NEK10: variants seen among roughly 807,000 people sequenced by gnomAD.
NEK10 encodes the protein NIMA related kinase 10.
Under a neutral mutation model 159.8 loss-of-function variants are expected in NEK10, and 122 were observed. The ratio of observed to expected loss-of-function variants is 0.76; its 90% confidence interval spans 0.66 to 0.89. The LOEUF is 0.89. NEK10 is among the 40% of genes least tolerant of loss of function. The pLI is 0.00. For synonymous variants in NEK10, 466 were observed against 457.1 expected, an observed-to-expected ratio of 1.02 and a Z score of -0.25; for missense variants, 1,342 against 1,323.1, an observed-to-expected ratio of 1.01 and a Z score of -0.22.
chr3:27,220,562 T>C (rs887521661), intron 23 of NEK10, among the ~76,000 whole-genome samples: 4 of 151,858 alleles, frequency 2.6e-5, no homozygotes, highest in Non-Finnish European at 4.4e-5. Context: ...TACTAGAATG[T>C]AGACATCTTG....
At chr3:27,356,079 A>G (rs1241375565) in intron 1 of NEK10, among the ~76,000 whole-genome samples, 6 of 152,158 alleles carry the variant, frequency 3.9e-5, no homozygotes, top group Admixed American at 3.3e-4. Flanking sequence ...CTCTTCTGCC[A>G]TGTAAGAAAA....
chr3:27,192,207 A>G lies in NEK10; in HGVS notation c.2327T>C (p.Ile776Thr), dbSNP rs773047390. ...LTPDAEARPD[I>T]VEVSSMISDV... ...TGATATCATCGAACTGACTTCTACA[A>G]TATCTGGACGAGCTTCCGCATCAGG... is the stretch of plus-strand genomic sequence containing the variant. The change falls in exon 26 of 36, where the codon ATT becomes ACT. Residue 776 changes from isoleucine (I) to threonine (T), a missense_variant. By Grantham distance (89) the Ile-to-Thr change is moderately conservative. Transcript: ENST00000691995. The G allele has an allele frequency of 1.2e-6, 2 of 1,614,176 alleles. No individual in the cohort carries two copies. The highest frequency in any genetic ancestry group is 2.2e-5 in the South Asian group (2 of 91,082).
intron 23 of NEK10, chr3:27,252,897 G>T: frequency 1.9e-6 from 1 of 514,446 alleles, no homozygotes; most frequent in South Asian, 1.4e-5. Flanking sequence ...CTGAGGGCTT[G>T]GTCTTTGCAT....
intron 8 of NEK10, 160 bp downstream of exon 8, chr3:27,311,939 G>A: frequency 3.3e-6 from 2 of 602,884 alleles, no homozygotes; most frequent in East Asian, 3.0e-5. Context: ...CTGGCTGTAT[G>A]TTGCCACTGA....
At chr3:27,283,043 T>C (rs1249345999) in intron 22 of NEK10, among the ~76,000 whole-genome samples, 1 of 152,168 alleles carries the variant, frequency 6.6e-6, no homozygotes, top group Non-Finnish European at 1.5e-5. Context: ...GAAGGTTATC[T>C]AGAGTTTCTG....
At chr3:27,324,377 C>T (rs954582465) in intron 5 of NEK10, among the ~76,000 whole-genome samples, 1 of 152,214 alleles carries the variant, frequency 6.6e-6, no homozygotes, top group Non-Finnish European at 1.5e-5. Context: ...CCCATGGCTT[C>T]CTGAATCTCA....
intron 26 of NEK10, among the ~76,000 whole-genome samples, chr3:27,190,802 G>A (rs541894115): frequency 4.6e-5 from 7 of 152,302 alleles, no homozygotes; most frequent in Admixed American, 2.0e-4. Flanking sequence ...TACATAGAAT[G>A]ATGCATTGTT....
At chr3:27,356,222 C>T (rs536330122) in intron 1 of NEK10, among the ~76,000 whole-genome samples, 1 of 152,262 alleles carries the variant, frequency 6.6e-6, no homozygotes, top group South Asian at 2.1e-4. Context: ...TTATAAATTA[C>T]CTAGTCTGCC....
At chr3:27,247,327 A>G (rs1005245037) in intron 23 of NEK10, among the ~76,000 whole-genome samples, 1 of 151,958 alleles carries the variant, frequency 6.6e-6, no homozygotes, top group Non-Finnish European at 1.5e-5. Context: ...AGGGCTTTTC[A>G]TCATGAAGGG....
chr3:27,283,778 T>C (rs1192583550), intron 22 of NEK10, among the ~76,000 whole-genome samples: 5 of 152,208 alleles, frequency 3.3e-5, no homozygotes, highest in African/African-American at 1.2e-4. Flanking sequence ...ATAAAAACTC[T>C]ATGTTGAAAT....
At chr3:27,344,008 C>T (rs1372227868) in intron 5 of NEK10, among the ~76,000 whole-genome samples, 6 of 152,202 alleles carry the variant, frequency 3.9e-5, no homozygotes, top group African/African-American at 4.8e-5. Context: ...TAAATTCCTC[C>T]TTGAGTATCC....
chr3:27,131,398 C>T (rs1476907042), intron 32 of NEK10, among the ~76,000 whole-genome samples: 1 of 152,092 alleles, frequency 6.6e-6, no homozygotes, highest in Non-Finnish European at 1.5e-5. Flanking sequence ...TATGTATGGA[C>T]AGAAATGTCT....
At chr3:27,217,946 C>A (rs1194617420) in intron 23 of NEK10, among the ~76,000 whole-genome samples, 1 of 152,072 alleles carries the variant, frequency 6.6e-6, no homozygotes, top group Non-Finnish European at 1.5e-5. Context: ...AAGAGATTAA[C>A]AATAACTAAT....
chr3:27,175,715 C>T lies in NEK10; in HGVS notation c.2506-882G>A, dbSNP rs138616625. ...TGAAGAGCCTTTTTAGGCCGTGGGGCTAAACAGTGCTGGCAAAGTAAAGCT... is the reference window on the plus strand; with the variant it reads ...TGAAGAGCCTTTTTAGGCCGTGGGGTTAAACAGTGCTGGCAAAGTAAAGCT... On this transcript the variant is annotated intron_variant, in intron 26 of 35. Transcript: ENST00000691995. Among the ~76,000 whole-genome samples the T allele has an allele frequency of 3.0e-3, 461 of 152,224 alleles. 1 individual carries two copies. Among genetic ancestry groups the T allele is most frequent in the African/African-American group, 0.01 (434 of 41,514 alleles).
At chr3:27,262,565 G>A (rs4973864) in intron 22 of NEK10, among the ~76,000 whole-genome samples, 35,350 of 151,810 alleles carry the variant, frequency 0.23, 4,483 homozygotes, top group Middle Eastern at 0.38. Flanking sequence ...TTCTCTTCTC[G>A]CTTCATTTCA....
rs1217626746 is a variant in NEK10 at position 27,115,947 on chromosome 3, A to T, written c.3292T>A (p.Ser1098Thr). 6.2e-7 allele frequency: 1 copy of T among 1,610,956 alleles called. No individual in the cohort carries two copies. Among genetic ancestry groups the T allele is most frequent in the Non-Finnish European group, 8.5e-7 (1 of 1,177,702 alleles). ...LEESGYYNFT[S>T]NRYHSYPWGT... ...GCAAACTCTAGCTCTTACCTGTTAG[A>T]TGTAAAATTGTAATAGCCACTTTCC... The change falls in exon 35 of 36, where the codon TCT becomes ACT. Residue 1098 changes from serine to threonine, a missense_variant. Ser to Thr is a moderately conservative substitution (Grantham distance 58). Coordinates refer to ENST00000691995, the MANE Select transcript of NEK10 (RefSeq NM_001394966.1).
chr3:27,189,199 G>A (rs1051395848), intron 26 of NEK10, among the ~76,000 whole-genome samples: 2 of 152,084 alleles, frequency 1.3e-5, no homozygotes, highest in African/African-American at 4.8e-5. Flanking sequence ...AGTACATAGA[G>A]TGAACTTTTT....
intron 14 of NEK10, 75 bp downstream of exon 14, chr3:27,297,104 G>C: frequency 2.3e-6 from 2 of 881,052 alleles, no homozygotes. Flanking sequence ...TATGTTCTGG[G>C]ATACAGACTG....
intron 22 of NEK10, chr3:27,278,786 A>G (rs2041946289): frequency 1.0e-6 from 1 of 985,296 alleles, no homozygotes; most frequent in South Asian, 4.7e-5. Context: ...TGGTGGGTTC[A>G]AGGGTAAGTT....
Sources: allele counts gnomAD v4.1 joint callset (sites outside exome capture counted in the v4.1 genomes callset), GRCh38; gene constraint gnomAD v4.1.1; transcripts MANE v1.5; gene names NCBI Gene and HGNC (gene_info 2026-07-23, HGNC 2026-07-21).